SLC10A7: variants seen among roughly 807,000 people sequenced by gnomAD.
SLC10A7 encodes sodium/bile acid cotransporter 7.
A neutral mutation model predicts 43.2 loss-of-function variants in SLC10A7; 29 were observed. The ratio of observed to expected loss-of-function variants is 0.67; its 90% CI spans 0.50 to 0.92. The LOEUF (loss-of-function observed/expected upper bound fraction) is 0.92, where lower values mean the gene tolerates loss of function less well. SLC10A7 is among the 40% of genes least tolerant of loss of function. The probability of loss-of-function intolerance (pLI) is 0.00; values close to 1 mark genes in which losing one functional copy is unlikely to be tolerated. For synonymous variants in SLC10A7, 152 were observed against 144.8 expected (o/e 1.05, Z -0.35); for missense variants, 295 against 403.2 (o/e 0.73, Z 2.30).
chr4:146,373,967 A>C (rs1736978107), intron 5 of SLC10A7, among the ~76,000 whole-genome samples: 1 of 152,208 alleles, frequency 6.6e-6, no homozygotes, highest in Non-Finnish European at 1.5e-5. Flanking sequence ...TAAAATAAAC[A>C]GTATGTACAG....
chr4:146,380,628 T>G (rs1737546660), intron 5 of SLC10A7, among the ~76,000 whole-genome samples: 1 of 152,176 alleles, frequency 6.6e-6, no homozygotes. Flanking sequence ...GCTACAAAGA[T>G]GAATTGCATT....
chr4:146,285,619 A>G (rs1729843693), intron 9 of SLC10A7, among the ~76,000 whole-genome samples: 1 of 152,224 alleles, frequency 6.6e-6, no homozygotes, highest in Non-Finnish European at 1.5e-5. Context: ...TTGAGAGAGA[A>G]GGAAGAACCA....
At chr4:146,261,304 A>G (rs6537410) in intron 10 of SLC10A7, among the ~76,000 whole-genome samples, 3,330 of 152,222 alleles carry the variant, frequency 0.022, 112 homozygotes, top group African/African-American at 0.076. Context: ...ATAACTCATC[A>G]TGCCCCTGAG....
At chr4:146,380,284 G>A (rs927166701) in intron 5 of SLC10A7, among the ~76,000 whole-genome samples, 5 of 152,014 alleles carry the variant, frequency 3.3e-5, no homozygotes, top group Non-Finnish European at 5.9e-5. Flanking sequence ...TCCAGAAAAG[G>A]CACATAGGTT....
intron 2 of SLC10A7, among the ~76,000 whole-genome samples, chr4:146,510,295 C>T (rs1391173966): frequency 6.2e-5 from 9 of 146,226 alleles, no homozygotes; most frequent in Non-Finnish European, 1.2e-4. Flanking sequence ...AGTTTTTGCT[C>T]GTCGCCCAGG....
At chr4:146,409,201 A>G (rs1490008996) in intron 5 of SLC10A7, among the ~76,000 whole-genome samples, 1 of 152,134 alleles carries the variant, frequency 6.6e-6, no homozygotes, top group Admixed American at 6.6e-5. Flanking sequence ...AGTCAAAAAC[A>G]TCAACCAGTG....
At chr4:146,306,478 G>C (rs1005747941) in intron 6 of SLC10A7, among the ~76,000 whole-genome samples, 2 of 152,054 alleles carry the variant, frequency 1.3e-5, no homozygotes, top group African/African-American at 4.8e-5. Flanking sequence ...CTCAGATCCC[G>C]TAGAATTTTT....
chr4:146,467,512 C>A (rs1186248936), intron 4 of SLC10A7, among the ~76,000 whole-genome samples: 1 of 145,908 alleles, frequency 6.9e-6, no homozygotes, highest in Non-Finnish European at 1.5e-5. Flanking sequence ...CACACAAATA[C>A]TTTTTTACTC....
At position 146,350,456 on chromosome 4, in the gene SLC10A7, G is replaced by C. The variant is rs904038884; in HGVS notation, c.436-24460C>G. 4.0e-3 allele frequency among the ~76,000 whole-genome samples: 565 copies of C among 141,332 alleles called. 9 individuals are homozygous for C. Among genetic ancestry groups the C allele is most frequent in the African/African-American group, 0.014 (514 of 36,540 alleles). 92.7% of individuals were successfully genotyped at this position (141,332 alleles called of 152,430 possible). A position where few individuals can be genotyped will look rare whatever the true frequency, so the allele number is the denominator to read the frequency against. On this transcript the variant is annotated intron_variant, in intron 5 of 11. Transcript: ENST00000335472. The stretch of plus-strand genomic sequence containing the variant: ...GTAAGGCGGCAGCGAGGCTGGGGGA[G>C]GGGCGCCCGCCATTGCCCAGGCTTG...
intron 4 of SLC10A7, among the ~76,000 whole-genome samples, chr4:146,489,759 C>G (rs551492665): frequency 1.3e-5 from 2 of 152,126 alleles, no homozygotes; most frequent in African/African-American, 4.8e-5. Context: ...CTCTAAGAGG[C>G]TTTGTAAAAC....
At chr4:146,292,424 A>T (rs1340990192) in intron 9 of SLC10A7, among the ~76,000 whole-genome samples, 3 of 152,112 alleles carry the variant, frequency 2.0e-5, no homozygotes, top group African/African-American at 7.2e-5. Context: ...GGGAAATTGA[A>T]AAAAAAATGA....
At chr4:146,452,810 T>C (rs78726784) in intron 4 of SLC10A7, among the ~76,000 whole-genome samples, 2,656 of 152,130 alleles carry the variant, frequency 0.017, 67 homozygotes, top group African/African-American at 0.061. Context: ...TATCATTGTA[T>C]TTTTTAAGTA....
At chr4:146,273,208 A>G (rs1237564767) in intron 10 of SLC10A7, among the ~76,000 whole-genome samples, 1 of 152,188 alleles carries the variant, frequency 6.6e-6, no homozygotes, top group Non-Finnish European at 1.5e-5. Flanking sequence ...TCTCCTTGCC[A>G]TTGAGCTGTA....
chr4:146,300,711 G>A (rs1277961674), intron 7 of SLC10A7, among the ~76,000 whole-genome samples: 4 of 152,126 alleles, frequency 2.6e-5, no homozygotes, highest in African/African-American at 9.7e-5. Context: ...TAGAAATATG[G>A]CTTTTCTTTA....
Position 146,510,004 on chromosome 4 carries a change from GA to G in SLC10A7, c.228del (p.Gln77ArgfsTer29). On this transcript the variant is annotated frameshift_variant, in exon 3 of 12. Transcript: ENST00000335472. LOFTEE classifies it high-confidence loss of function. ...GGGAAGAATGCAAGAGTAAAGATCT[GA>G]ATAAAAAGATGCAGTTTTAGATGCA... The part of the protein sequence containing the change: ...ALVHLKLHLF[I>X]QIFTLAFFPA... The G allele has an allele frequency of 6.2e-7, 1 of 1,613,164 alleles. No individual in the cohort carries two copies. Among genetic ancestry groups the G allele is most frequent in the Non-Finnish European group, 8.5e-7 (1 of 1,179,582 alleles).
intron 9 of SLC10A7, among the ~76,000 whole-genome samples, chr4:146,284,682 A>G (rs1729772121): frequency 6.6e-6 from 1 of 152,228 alleles, no homozygotes; most frequent in South Asian, 2.1e-4. Context: ...TATTGAGTAT[A>G]ATAAGACTGG....
chr4:146,274,099 C>G (rs1463208597), intron 10 of SLC10A7, among the ~76,000 whole-genome samples: 1 of 151,920 alleles, frequency 6.6e-6, no homozygotes, highest in Non-Finnish European at 1.5e-5. Context: ...TTGCCCTCAG[C>G]TTGCCAGGAA....
At chr4:146,408,927 T>C (rs1485238240) in intron 5 of SLC10A7, among the ~76,000 whole-genome samples, 2 of 152,134 alleles carry the variant, frequency 1.3e-5, no homozygotes, top group East Asian at 3.9e-4. Context: ...TTTCAACATA[T>C]TATGGCAGTA....
Position 146,438,349 on chromosome 4 carries a change from T to C in SLC10A7, c.435+4434A>G, listed in dbSNP as rs191242042. ...TGAGTATTTTAAAAGAGAAAAATTA[T>C]GTGAAAGAAACTCATTTCTTGACAC... On this transcript the variant is annotated intron_variant, in intron 5 of 11. Coordinates refer to ENST00000335472, the MANE Select transcript of SLC10A7 (RefSeq NM_001029998.6). Among the ~76,000 whole-genome samples, 266 of 152,224 alleles carry C rather than the reference T, an allele frequency of 1.7e-3. 1 individual carries two copies. Among genetic ancestry groups the C allele is most frequent in the Non-Finnish European group, 3.1e-3 (209 of 67,920 alleles).
Sources: gnomAD v4.1 joint callset for allele counts (sites outside exome capture counted in the v4.1 genomes callset) on GRCh38, gnomAD v4.1.1 for gene constraint, MANE v1.5 for transcripts, NCBI Gene and HGNC (gene_info 2026-07-23, HGNC 2026-07-21) for gene names.